The following RIMS2 variants were observed in gnomAD, a reference collection of about 807,000 sequenced individuals.
The protein encoded by RIMS2 is regulating synaptic membrane exocytosis 2.
A neutral mutation model predicts 174.4 loss-of-function variants in RIMS2; 59 were observed. That is an observed-to-expected ratio of 0.34 (90% CI 0.27 to 0.42). The LOEUF is 0.42. Ranked by LOEUF, RIMS2 falls within the 10% of genes least tolerant of loss-of-function variation. The pLI is 1.00. For synonymous variants in RIMS2, 606 were observed against 572.5 expected (o/e 1.06, Z -0.84); for missense variants, 1,620 against 1,666.3 (o/e 0.97, Z 0.48).
rs1320796589 is a variant in RIMS2 at position 103,975,501 on chromosome 8, A to G, written c.2922A>G (p.Pro974=). ...CATGGTCACCCAGTGTCCCTCCTCC[A>G]CAAAGGTAAGATAGACTACTTATTT... is the stretch of plus-strand genomic sequence containing the variant. Residue 974 remains proline, a synonymous_variant, in exon 16 of 24, where the codon CCA becomes CCG. Transcript: ENST00000504942. 4 of 1,611,878 alleles carry G rather than the reference A, an allele frequency of 2.5e-6. No individual in the cohort carries two copies. The South Asian group carries it at 3.3e-5, about 13-fold the overall frequency.
intron 19 of RIMS2, among the ~76,000 whole-genome samples, chr8:104,242,477 A>G (rs753898170): frequency 3.4e-4 from 51 of 152,180 alleles, no homozygotes; most frequent in Non-Finnish European, 6.5e-4. Flanking sequence ...GCTTTCCCAA[A>G]CAAGAAGTTC....
At chr8:104,079,628 T>C (rs1296429061) in intron 19 of RIMS2, among the ~76,000 whole-genome samples, 1 of 132,108 alleles carries the variant, frequency 7.6e-6, no homozygotes, top group Non-Finnish European at 1.6e-5. Context: ...TATATATATA[T>C]ATATATATAT....
At chr8:103,813,412 C>CTTTCTTTCTTTCTTTA (rs542732882) in intron 3 of RIMS2, among the ~76,000 whole-genome samples, 14 of 151,568 alleles carry the variant, frequency 9.2e-5, no homozygotes, top group African/African-American at 3.4e-4. Flanking sequence ...TTCTTTCTTT[C>CTTTCTTTCTTTCTTTA]TTTATTATAC....
chr8:104,094,809 C>T (rs369222103), intron 19 of RIMS2: 30 of 582,822 alleles, frequency 5.1e-5, no homozygotes, highest in African/African-American at 4.9e-4. Flanking sequence ...TTGCCATTTC[C>T]ATTTGCTTTA....
At chr8:103,852,958 T>G (rs1159272238) in intron 3 of RIMS2, among the ~76,000 whole-genome samples, 1 of 152,110 alleles carries the variant, frequency 6.6e-6, no homozygotes. Context: ...AGCTCTATCT[T>G]AAGTTCTTTG....
At chr8:104,163,477 A>G (rs1294958019) in intron 19 of RIMS2, among the ~76,000 whole-genome samples, 1 of 152,198 alleles carries the variant, frequency 6.6e-6, no homozygotes, top group East Asian at 1.9e-4. Context: ...CCAATGATAT[A>G]CGAGTTTATT....
chr8:103,649,597 C>T (rs2096410575), intron 1 of RIMS2, among the ~76,000 whole-genome samples: 1 of 150,660 alleles, frequency 6.6e-6, no homozygotes, highest in South Asian at 2.1e-4. Flanking sequence ...TAGGTTCTGT[C>T]TTTTTAAATA....
chr8:104,193,094 A>C (rs2099006027), intron 19 of RIMS2, among the ~76,000 whole-genome samples: 2 of 148,530 alleles, frequency 1.3e-5, no homozygotes, highest in African/African-American at 5.0e-5. Flanking sequence ...TTTAATCTCC[A>C]TTCTCCCTCC....
rs567152047 is a variant in RIMS2, at chr8:103,747,305, G to A, written c.388-18922G>A. On this transcript the variant is annotated intron_variant, in intron 2 of 23. Transcript: ENST00000504942. ...CCCCTTCCTGTGTCCAAGTGAGCAT[G>A]GAGCAGAGAAGCAAAAAATGGTAAG... Among the ~76,000 whole-genome samples, 5 of 140,020 alleles carry A rather than the reference G, an allele frequency of 3.6e-5. No homozygotes were observed. In the South Asian group the frequency reaches 1.1e-3, roughly 31 times the overall value. The allele number at this position is 140,020 out of a possible 152,430, so 91.9% of individuals were successfully genotyped here.
At chr8:103,870,417 TA>T (rs1422848123) in intron 3 of RIMS2, among the ~76,000 whole-genome samples, 1 of 150,802 alleles carries the variant, frequency 6.6e-6, no homozygotes, top group Non-Finnish European at 1.5e-5. Context: ...ACTGCAATAA[TA>T]AAAAAAATTA....
In RIMS2 at chr8:104,189,503, A is replaced by G. The variant is rs375109398; in HGVS notation, c.3335-55413A>G. 4.0e-5 allele frequency among the ~76,000 whole-genome samples: 6 copies of G among 151,482 alleles called. No homozygotes were observed. The East Asian group carries it at 9.7e-4, about 24-fold the overall frequency. ...GAGGTCCAAAAGAGTGAAATCACCAAAAGATCCTGGTGTAAACTCTGGAAA... is the reference window on the plus strand; with the variant it reads ...GAGGTCCAAAAGAGTGAAATCACCAGAAGATCCTGGTGTAAACTCTGGAAA... On this transcript the variant is annotated intron_variant, in intron 19 of 23. Transcript: ENST00000504942.
In RIMS2 at chr8:103,832,129, G is replaced by C. The variant is rs796387553; in HGVS notation, c.699-53169G>C. 2.6e-5 allele frequency among the ~76,000 whole-genome samples: 4 copies of C among 152,100 alleles called. No individual in the cohort carries two copies. In the East Asian group the frequency reaches 7.7e-4, roughly 29 times the overall value. On this transcript the variant is annotated intron_variant, in intron 3 of 23. Transcript: ENST00000504942. ...TGTTTCTCTAGTGTGTCTTTTTGTA[G>C]TCATTTACTTTCAATATATCTGTGG...
rs1366723612 is a variant in RIMS2, at chr8:103,936,841, A to T, written c.2547+119A>T. 1.1e-5 allele frequency: 8 copies of T among 714,300 alleles called. No individual in the cohort carries two copies. The East Asian group carries it at 2.1e-4, about 19-fold the overall frequency. 44.2% of individuals were successfully genotyped at this position (714,300 alleles called of 1,614,324 possible). ...CCAGGCATGGTGGCTCATGCCTGTA[A>T]TCTCAGCACTTTGGGAGGCCGAGGG... On this transcript the variant is annotated intron_variant, in intron 13 of 23. Coordinates refer to ENST00000504942, the Ensembl canonical transcript of RIMS2.
chr8:103,635,216 C>T (rs1008281097), intron 1 of RIMS2, among the ~76,000 whole-genome samples: 11 of 152,138 alleles, frequency 7.2e-5, no homozygotes, highest in Non-Finnish European at 2.9e-5. Context: ...TCTTTCTTTT[C>T]TATATTAGTG....
At chr8:104,223,505 T>A in intron 19 of RIMS2, 2 of 1,400,364 alleles carry the variant, frequency 1.4e-6, no homozygotes, top group Non-Finnish European at 1.8e-6. Flanking sequence ...CCGGGCTGGG[T>A]CAGGGAGGCA....
chr8:103,964,006 A>G (rs770245739), intron 15 of RIMS2, among the ~76,000 whole-genome samples: 8 of 152,026 alleles, frequency 5.3e-5, no homozygotes, highest in Non-Finnish European at 1.0e-4. Context: ...TTGATAGCTC[A>G]TTTATTTTTA....
At chr8:103,885,555 A>G (rs1292398296) in exon 4 of RIMS2, 1 of 1,612,750 alleles carries the variant, frequency 6.2e-7, no homozygotes, top group South Asian at 1.1e-5. Flanking sequence ...AGCAGAGATG[A>G]ATACGAAAGG....
chr8:104,188,632 C>T (rs938113243), intron 19 of RIMS2, among the ~76,000 whole-genome samples: 6 of 151,668 alleles, frequency 4.0e-5, no homozygotes, highest in Admixed American at 1.3e-4. Context: ...TTACAGTTTA[C>T]TCTAAATGCA....
chr8:103,674,149 C>T (rs2096779730), intron 1 of RIMS2, among the ~76,000 whole-genome samples: 1 of 152,320 alleles, frequency 6.6e-6, no homozygotes, highest in South Asian at 2.1e-4. Context: ...ACCTTGCCAA[C>T]CTTGATTTTA....
Sources: gnomAD v4.1 joint callset for allele counts (sites outside exome capture counted in the v4.1 genomes callset) on GRCh38, gnomAD v4.1.1 for gene constraint, MANE v1.5 for transcripts, NCBI Gene and HGNC (gene_info 2026-07-23, HGNC 2026-07-21) for gene names.